CDKL2: variants seen among roughly 807,000 people sequenced by gnomAD.
CDKL2 encodes cyclin dependent kinase like 2.
In CDKL2, 64 loss-of-function variants were observed where a neutral mutation model predicts 63.9. The ratio of observed to expected loss-of-function variants is 1.00; its 90% CI spans 0.82 to 1.23. The LOEUF is 1.23. Ranked by LOEUF, CDKL2 falls within the 50% of genes most tolerant of loss-of-function variation. The pLI, the probability that CDKL2 is intolerant of heterozygous loss-of-function variation, is 0.00. For synonymous variants in CDKL2, 211 were observed against 229.2 expected (o/e 0.92, Z 0.72); for missense variants, 656 against 668.0 (o/e 0.98, Z 0.20).
intron 2 of CDKL2, among the ~76,000 whole-genome samples, chr4:75,624,731 A>G (rs1025536209): frequency 6.6e-6 from 1 of 151,762 alleles, no homozygotes; most frequent in African/African-American, 2.4e-5. Flanking sequence ...GGTGATGCAC[A>G]CCTGTAGTCC....
chr4:75,593,877 A>AAC (rs143369611), intron 10 of CDKL2, among the ~76,000 whole-genome samples: 21 of 151,854 alleles, frequency 1.4e-4, no homozygotes, highest in African/African-American at 3.4e-4. Flanking sequence ...CACACACACA[A>AAC]ACACACACAC....
At chr4:75,594,941 G>C (rs982941085) in intron 10 of CDKL2, among the ~76,000 whole-genome samples, 2 of 152,120 alleles carry the variant, frequency 1.3e-5, no homozygotes, top group Non-Finnish European at 2.9e-5. Flanking sequence ...TCAGTGATAA[G>C]AAGCTAATGG....
chr4:75,625,786 T>C (rs1730372532), intron 2 of CDKL2, 35 bp downstream of exon 2: 1 of 1,496,096 alleles, frequency 6.7e-7, no homozygotes, highest in Non-Finnish European at 9.1e-7. Flanking sequence ...AAACTTATAC[T>C]CATATTTTTT....
intron 2 of CDKL2, among the ~76,000 whole-genome samples, chr4:75,621,373 T>C (rs578122736): frequency 7.7e-4 from 116 of 151,018 alleles, no homozygotes; most frequent in Non-Finnish European, 1.5e-3. Flanking sequence ...TAAAAGTATC[T>C]AGAAGAAAAT....
chr4:75,614,285 A>C lies in CDKL2; in HGVS notation c.333T>G (p.Ile111Met), dbSNP rs1729829784. The stretch of plus-strand genomic sequence containing the variant: ...GACTGTGACAAAATCCAATTCCATT[A>C]ATAATCTGAAACAAATACTTTTGAA... ...QVVQKYLFQI[I>M]NGIGFCHSHN... The change falls in exon 3 of 14, where the codon ATT (isoleucine) becomes ATG (methionine). Residue 111 changes from isoleucine (I) to methionine (M), a missense_variant. Physicochemically the swap from Ile to Met is conservative, Grantham distance 10. Transcript: ENST00000307465. 6.2e-7 allele frequency: 1 copy of C among 1,606,630 alleles called. No individual in the cohort carries two copies. Among genetic ancestry groups the C allele is most frequent in the Admixed American group, 1.7e-5 (1 of 58,354 alleles).
chr4:75,589,564 A>C (rs1728620623), intron 12 of CDKL2, among the ~76,000 whole-genome samples: 1 of 151,886 alleles, frequency 6.6e-6, no homozygotes, highest in Non-Finnish European at 1.5e-5. Context: ...TCGGCCTCCC[A>C]AAGTGCTGGG....
At chr4:75,595,764 T>A (rs1221605736) in intron 10 of CDKL2, among the ~76,000 whole-genome samples, 1 of 151,862 alleles carries the variant, frequency 6.6e-6, no homozygotes, top group African/African-American at 2.4e-5. Flanking sequence ...ACCCTGTCTC[T>A]ACTAAAAATA....
intron 12 of CDKL2, among the ~76,000 whole-genome samples, chr4:75,590,793 T>C (rs1728684772): frequency 2.0e-5 from 3 of 152,172 alleles, no homozygotes; most frequent in South Asian, 2.1e-4. Context: ...GAAATCTCTA[T>C]GAAATGGAAA....
chr4:75,618,171 T>C (rs1730008568), intron 2 of CDKL2, among the ~76,000 whole-genome samples: 1 of 147,486 alleles, frequency 6.8e-6, no homozygotes, highest in South Asian at 2.1e-4. Context: ...ATATTTTTAA[T>C]GGCAGATGGT....
In CDKL2 at chr4:75,605,571, A is replaced by G. The variant is rs1729388408; in HGVS notation, c.606T>C (p.Phe202=). 1 of 1,613,482 alleles carries G rather than the reference A, an allele frequency of 6.2e-7. No individual in the cohort carries two copies. Among genetic ancestry groups the G allele is most frequent in the Non-Finnish European group, 8.5e-7 (1 of 1,179,508 alleles). ...VTEMFMGEPL[F]PGDSDIDQLY... ...GCTGATCAATATCAGAATCTCCAGG[A>G]AATAGGGGTTCCCCCATGAACATTT... Residue 202 remains phenylalanine, a synonymous_variant, in exon 5 of 14, where the codon TTT becomes TTC. Transcript: ENST00000307465.
rs897162915 is a variant in CDKL2 at position 75,626,003 on chromosome 4, C to T, written c.-15G>A. ...TATTTTTCCATTTTAATTTAAAGTC[C>T]GTAGAAACTTTTTGCTGTGAAAACC... is the stretch of plus-strand genomic sequence containing the variant. On this transcript the variant is annotated 5_prime_UTR_variant, in exon 2 of 14. Coordinates refer to ENST00000307465, the MANE Select transcript of CDKL2 (RefSeq NM_001330724.2). 3 of 1,601,928 alleles carry T rather than the reference C, an allele frequency of 1.9e-6. No homozygotes were observed. Among genetic ancestry groups the T allele is most frequent in the South Asian group, 1.1e-5 (1 of 87,576 alleles).
chr4:75,609,279 TA>T (rs1423481564), intron 3 of CDKL2, among the ~76,000 whole-genome samples: 1 of 152,018 alleles, frequency 6.6e-6, no homozygotes, highest in African/African-American at 2.4e-5. Flanking sequence ...AGAGACTTTG[TA>T]AGAATAAAAC....
chr4:75,594,259 C>A (rs1382521056), intron 10 of CDKL2, among the ~76,000 whole-genome samples: 1 of 151,980 alleles, frequency 6.6e-6, no homozygotes, highest in Non-Finnish European at 1.5e-5. Context: ...ACCAGCCTGG[C>A]CGACATGGAG....
chr4:75,624,417 C>T (rs931307025), intron 2 of CDKL2, among the ~76,000 whole-genome samples: 1 of 151,804 alleles, frequency 6.6e-6, no homozygotes, highest in Non-Finnish European at 1.5e-5. Flanking sequence ...CCAGGCATAG[C>T]GGCACACACC....
chr4:75,580,243 A>G (rs1247437208), intron 13 of CDKL2, among the ~76,000 whole-genome samples: 1 of 151,508 alleles, frequency 6.6e-6, no homozygotes, highest in African/African-American at 2.4e-5. Flanking sequence ...TGGGAGACAG[A>G]GCAAGACACC....
At chr4:75,604,151 A>G (rs1729322834) in intron 5 of CDKL2, among the ~76,000 whole-genome samples, 195 bp from the exon 6 acceptor site, 1 of 152,238 alleles carries the variant, frequency 6.6e-6, no homozygotes, top group African/African-American at 2.4e-5. Flanking sequence ...TAGGAAAAGG[A>G]CAGGTAAAAA....
intron 12 of CDKL2, among the ~76,000 whole-genome samples, chr4:75,587,622 T>C (rs1419542382): frequency 6.7e-6 from 1 of 148,900 alleles, no homozygotes; most frequent in African/African-American, 2.5e-5. Flanking sequence ...TTTAAAGAAA[T>C]TGAGAGGCCG....
chr4:75,590,000 G>C (rs1728644841), intron 12 of CDKL2, among the ~76,000 whole-genome samples: 1 of 146,488 alleles, frequency 6.8e-6, no homozygotes, highest in African/African-American at 2.5e-5. Context: ...AAAAAAAAGA[G>C]GCCAGGTACA....
At position 75,582,128 on chromosome 4, in the gene CDKL2, T is replaced by C. The variant is rs530974278; in HGVS notation, c.1648-230A>G. 1.6e-4 allele frequency among the ~76,000 whole-genome samples: 24 copies of C among 152,332 alleles called. No homozygotes were observed. The South Asian group carries it at 4.6e-3, about 29-fold the overall frequency. On this transcript the variant is annotated intron_variant, in intron 12 of 13. Transcript: ENST00000307465. ...ATTCTTTGATCTTAGTTTATGCATA[T>C]GTTAAAAGATACTTCTGATCTGCCA...
Sources: gnomAD v4.1 joint callset for allele counts (sites outside exome capture counted in the v4.1 genomes callset) on GRCh38, gnomAD v4.1.1 for gene constraint, MANE v1.5 for transcripts, NCBI Gene and HGNC (gene_info 2026-07-23, HGNC 2026-07-21) for gene names.